The following RNF220 variants were observed in gnomAD, a reference collection of about 807,000 sequenced individuals.
RNF220 encodes the protein E3 ubiquitin-protein ligase RNF220.
Under a neutral mutation model 67.1 loss-of-function variants are expected in RNF220, and 7 were observed. The observed-to-expected ratio is 0.10, with a 90% confidence interval of 0.06 to 0.20. The LOEUF (loss-of-function observed/expected upper bound fraction) is 0.20. Among genes scored for constraint, RNF220 ranks in the 10% least tolerant of loss-of-function variants. The pLI, the probability that RNF220 is intolerant of heterozygous loss-of-function variation, is 1.00. For missense variants in RNF220, 565 were observed against 740.3 expected (o/e 0.76, Z 2.75); for synonymous variants, 270 against 283.2 (o/e 0.95, Z 0.47).
rs368735304 is a variant in RNF220 at position 44,645,380 on chromosome 1, G to A, written c.1367-30G>A. 1.4e-4 allele frequency: 222 copies of A among 1,613,716 alleles called. No homozygotes were observed. Among genetic ancestry groups the A allele is most frequent in the Non-Finnish European group, 1.8e-4 (207 of 1,179,808 alleles). On this transcript the variant is annotated intron_variant, in intron 11 of 14. Transcript: ENST00000361799. This position sits in a 1 kb window ranked among gnomAD's most constrained non-coding sequence, Gnocchi z 5.0. ...CTCACCTGTGCTGCCCAGTCTGGCC[G>A]GAGTGTGAGTTGCCCCTCTGTCCCA...
At chr1:44,555,187 C>T (rs1662971352) in intron 2 of RNF220, among the ~76,000 whole-genome samples, 1 of 152,048 alleles carries the variant, frequency 6.6e-6, no homozygotes, top group Non-Finnish European at 1.5e-5. Flanking sequence ...CCTACCTCAA[C>T]CTCCTGTGTA....
chr1:44,496,391 G>A (rs1292922906), intron 2 of RNF220, among the ~76,000 whole-genome samples: 1 of 152,214 alleles, frequency 6.6e-6, no homozygotes, highest in Non-Finnish European at 1.5e-5. Flanking sequence ...CTGGAAGAGG[G>A]ATAGACAGGC....
chr1:44,607,777 C>G (rs1471930106), intron 2 of RNF220, among the ~76,000 whole-genome samples: 2 of 152,196 alleles, frequency 1.3e-5, no homozygotes, highest in Admixed American at 1.3e-4. Flanking sequence ...GCATAAGCCA[C>G]CACGCCCGGC....
chr1:44,528,406 T>G (rs1660566424), intron 2 of RNF220, among the ~76,000 whole-genome samples: 2 of 152,066 alleles, frequency 1.3e-5, no homozygotes, highest in South Asian at 4.1e-4. Context: ...GTTCATGCCA[T>G]TCTCCTGCCT....
chr1:44,589,904 G>A (rs1441007527), intron 2 of RNF220, among the ~76,000 whole-genome samples: 1 of 152,152 alleles, frequency 6.6e-6, no homozygotes, highest in Non-Finnish European at 1.5e-5. Context: ...CAGGGAGAAG[G>A]GGTGCACACA....
intron 2 of RNF220, among the ~76,000 whole-genome samples, chr1:44,533,483 T>C (rs1438891752): frequency 2.0e-5 from 3 of 152,024 alleles, no homozygotes; most frequent in African/African-American, 4.8e-5. Flanking sequence ...TGAGACCCCG[T>C]CTCAGAAAAA....
chr1:44,443,734 C>G (rs528964470), intron 2 of RNF220, among the ~76,000 whole-genome samples: 1 of 152,122 alleles, frequency 6.6e-6, no homozygotes, highest in African/African-American at 2.4e-5. Context: ...GAAAGGTGCA[C>G]AAGACATGTG....
At position 44,606,827 on chromosome 1, in the gene RNF220, G is replaced by A. The variant is rs1360017596; in HGVS notation, c.626-7338G>A. Among the ~76,000 whole-genome samples, 1 of 152,170 alleles carries A rather than the reference G, an allele frequency of 6.6e-6. No individual in the cohort carries two copies. The highest frequency in any genetic ancestry group is 1.5e-5 in the Non-Finnish European group (1 of 68,024). On this transcript the variant is annotated intron_variant, in intron 2 of 14. Transcript: ENST00000361799. The surrounding 1 kb of genome is among the most constrained non-coding windows in gnomAD (Gnocchi z 4.2). ...TGTTCCAGGCACAGAGGACACAGTG[G>A]TGAGCTTCGGTGCTCTATGTCAATG...
At chr1:44,442,153 G>A (rs1651622394) in intron 2 of RNF220, among the ~76,000 whole-genome samples, 1 of 151,858 alleles carries the variant, frequency 6.6e-6, no homozygotes, top group Non-Finnish European at 1.5e-5. Context: ...TTTTGACACA[G>A]GATCTTGCTC....
chr1:44,449,038 C>T (rs934281496), intron 2 of RNF220, among the ~76,000 whole-genome samples: 3 of 152,222 alleles, frequency 2.0e-5, no homozygotes, highest in African/African-American at 7.2e-5. Context: ...AATCTTCCGT[C>T]AGCACCTCAA....
chr1:44,560,877 T>C (rs1217583740), intron 2 of RNF220, among the ~76,000 whole-genome samples: 1 of 148,192 alleles, frequency 6.7e-6, no homozygotes, highest in East Asian at 1.9e-4. Flanking sequence ...CAGTAGTTGC[T>C]GACCTCCTAC....
At chr1:44,423,085 G>A (rs1649404700) in intron 2 of RNF220, among the ~76,000 whole-genome samples, 2 of 152,218 alleles carry the variant, frequency 1.3e-5, no homozygotes, top group African/African-American at 4.8e-5. Flanking sequence ...GTAGGATGCT[G>A]CGAAAAGTGC....
At chr1:44,474,378 AAATAATAATAATAATAATAAT>A (rs61147848) in intron 2 of RNF220, among the ~76,000 whole-genome samples, 30,445 of 137,598 alleles carry the variant, frequency 0.22, 3,758 homozygotes, top group East Asian at 0.47. Flanking sequence ...CTGTCTCCAA[AAATAATAATAATAATAATAAT>A]AATAATAATA....
intron 2 of RNF220, among the ~76,000 whole-genome samples, chr1:44,580,135 CCCTT>C (rs1459947801): frequency 6.6e-6 from 1 of 151,368 alleles, no homozygotes; most frequent in African/African-American, 2.4e-5. Context: ...AGAAGGTTGT[CCCTT>C]CATCTAGTGT....
At chr1:44,579,244 GA>G (rs1417696819) in intron 2 of RNF220, among the ~76,000 whole-genome samples, 1 of 152,096 alleles carries the variant, frequency 6.6e-6, no homozygotes, top group Non-Finnish European at 1.5e-5. Flanking sequence ...TATTTCAAAT[GA>G]AGAAGCAGGC....
intron 2 of RNF220, among the ~76,000 whole-genome samples, chr1:44,418,297 G>A (rs1648810390): frequency 6.6e-6 from 1 of 152,202 alleles, no homozygotes; most frequent in Non-Finnish European, 1.5e-5. Flanking sequence ...CGTGGAGGAG[G>A]GAGGTTGGAC....
At chr1:44,567,076 C>T (rs1263910572) in intron 2 of RNF220, among the ~76,000 whole-genome samples, 2 of 152,112 alleles carry the variant, frequency 1.3e-5, no homozygotes, top group South Asian at 2.1e-4. Context: ...TTAATGCATC[C>T]GTAAGACACT....
At chr1:44,503,974 T>G (rs1455499791) in intron 2 of RNF220, among the ~76,000 whole-genome samples, 1 of 152,116 alleles carries the variant, frequency 6.6e-6, no homozygotes, top group Non-Finnish European at 1.5e-5. Context: ...TTCAGCCTCC[T>G]GAGTAGCTGG....
chr1:44,524,291 G>A (rs554865489), intron 2 of RNF220, among the ~76,000 whole-genome samples: 5 of 152,152 alleles, frequency 3.3e-5, no homozygotes, highest in East Asian at 1.9e-4. Flanking sequence ...AGTCCATTAC[G>A]ACTCTCCCAC....
Sources: allele counts gnomAD v4.1 joint callset (sites outside exome capture counted in the v4.1 genomes callset), GRCh38; gene constraint gnomAD v4.1.1; non-coding constraint Gnocchi (gnomAD v3.1); transcripts MANE v1.5; gene names NCBI Gene and HGNC (gene_info 2026-07-23, HGNC 2026-07-21).